The following CC2D2B variants were observed in gnomAD, a reference collection of about 807,000 sequenced individuals.
The protein encoded by CC2D2B is protein CC2D2B.
In CC2D2B, 128 loss-of-function variants were observed where a neutral mutation model predicts 161.2. The observed-to-expected ratio is 0.79, with a 90% confidence interval of 0.69 to 0.92. The LOEUF is 0.92. Ranked by LOEUF, CC2D2B falls within the 40% of genes least tolerant of loss-of-function variation. The pLI, the probability that CC2D2B is intolerant of heterozygous loss-of-function variation, is 0.00. For missense variants in CC2D2B, 1,173 were observed against 1,375.1 expected, an observed-to-expected ratio of 0.85 and a Z score of 2.32; for synonymous variants, 391 against 449.8, an observed-to-expected ratio of 0.87 and a Z score of 1.65.
At chr10:95,965,701 C>T (rs1283962931) in intron 12 of CC2D2B, among the ~76,000 whole-genome samples, 195 bp from the exon 13 acceptor site, 7 of 151,464 alleles carry the variant, frequency 4.6e-5, no homozygotes, top group Admixed American at 4.6e-4. Flanking sequence ...ATCTGAAAGC[C>T]GAGAACAAGC....
At chr10:95,943,889 A>G (rs2076105833) in intron 9 of CC2D2B, among the ~76,000 whole-genome samples, 1 of 152,174 alleles carries the variant, frequency 6.6e-6, no homozygotes, top group Non-Finnish European at 1.5e-5. Context: ...TTGCTTTGTT[A>G]AGCGTATTGA....
chr10:95,987,539 A>C (rs371628570), intron 19 of CC2D2B, among the ~76,000 whole-genome samples: 1 of 152,178 alleles, frequency 6.6e-6, no homozygotes, highest in African/African-American at 2.4e-5. Context: ...AATATCTATA[A>C]TATAAAATCA....
chr10:95,983,925 C>A, intron 19 of CC2D2B, 116 bp downstream of exon 19: 1 of 460,154 alleles, frequency 2.2e-6, no homozygotes, highest in Non-Finnish European at 3.5e-6. Flanking sequence ...AGACAGATTT[C>A]CTCCCTTCTC....
intron 23 of CC2D2B, among the ~76,000 whole-genome samples, 178 bp downstream of exon 23, chr10:95,995,543 G>T (rs985774588): frequency 6.6e-6 from 1 of 152,116 alleles, no homozygotes; most frequent in African/African-American, 2.4e-5. Context: ...TGCTCTCAGG[G>T]TCTATATGAT....
At chr10:96,018,424 C>T (rs1350777406) in intron 30 of CC2D2B, among the ~76,000 whole-genome samples, 1 of 152,172 alleles carries the variant, frequency 6.6e-6, no homozygotes, top group African/African-American at 2.4e-5. Context: ...AGCCTTAAGC[C>T]AGTTTCCATT....
chr10:95,996,347 G>T, intron 24 of CC2D2B, 95 bp downstream of exon 24: 2 of 598,780 alleles, frequency 3.3e-6, no homozygotes, highest in Admixed American at 3.0e-5. Flanking sequence ...ATTGAAATAG[G>T]CTTTATTTAA....
At chr10:95,964,201 G>A (rs2076863127) in intron 12 of CC2D2B, among the ~76,000 whole-genome samples, 1 of 152,146 alleles carries the variant, frequency 6.6e-6, no homozygotes, top group Admixed American at 6.6e-5. Context: ...TCATTTCCCA[G>A]AGTCATTTGG....
At position 95,974,085 on chromosome 10, in the gene CC2D2B, A is replaced by G. The variant is rs1432430291; in HGVS notation, c.1872A>G (p.Leu624=). 2.7e-5 allele frequency: 33 copies of G among 1,230,370 alleles called. No homozygotes were observed. The highest frequency in any genetic ancestry group is 3.2e-5 in the Non-Finnish European group (32 of 986,506). The allele number at this position is 1,230,370 out of a possible 1,614,324, so 76.2% of individuals were successfully genotyped here. A position where few individuals can be genotyped will look rare whatever the true frequency, so the allele number is the denominator to read the frequency against. Reference sequence around the variant, plus strand: ...CATCAGGAAAACTTAGCTATTCTCTATCATGGAGCTTAGATGAAAATGGTC... The same window carrying G: ...CATCAGGAAAACTTAGCTATTCTCTGTCATGGAGCTTAGATGAAAATGGTC... The part of the protein sequence containing the change: ...LLTSGKLSYS[L]SWSLDENGLP... The change falls in exon 17 of 35, where the codon CTA becomes CTG. Residue 624 remains leucine, a synonymous_variant. Transcript: ENST00000646931.
intron 22 of CC2D2B, among the ~76,000 whole-genome samples, chr10:95,993,863 G>GAC (rs2078066067): frequency 9.2e-6 from 1 of 108,760 alleles, no homozygotes; most frequent in African/African-American, 3.7e-5. Flanking sequence ...GAGAGAGAGA[G>GAC]AGAGAGAGTG....
At chr10:95,943,826 A>G (rs546505509) in intron 9 of CC2D2B, among the ~76,000 whole-genome samples, 2 of 152,292 alleles carry the variant, frequency 1.3e-5, no homozygotes, top group Admixed American at 1.3e-4. Context: ...TTATATATGA[A>G]AAATTATAGA....
chr10:96,014,757 T>A (rs192732674), intron 29 of CC2D2B, among the ~76,000 whole-genome samples: 1 of 152,208 alleles, frequency 6.6e-6, no homozygotes, highest in Admixed American at 6.5e-5. Flanking sequence ...CTCTCCCTAC[T>A]CCTCTTATAA....
intron 5 of CC2D2B, among the ~76,000 whole-genome samples, chr10:95,926,832 GTGTGTGTGTGTGTGTC>G (rs1309727081): frequency 1.4e-4 from 19 of 136,736 alleles, no homozygotes; most frequent in Non-Finnish European, 2.6e-4. Flanking sequence ...GTGTGTGTGT[GTGTGTGTGTGTGTGTC>G]TGTGTGTGTG....
At chr10:95,963,760 C>A (rs1348853101) in intron 12 of CC2D2B, among the ~76,000 whole-genome samples, 6 of 152,134 alleles carry the variant, frequency 3.9e-5, no homozygotes, top group Non-Finnish European at 8.8e-5. Flanking sequence ...AAGTTCACTA[C>A]TAAAAATGTT....
Position 96,019,732 on chromosome 10 carries a change from C to T in CC2D2B, c.3796C>T (p.Pro1266Ser), listed in dbSNP as rs1404136373. Reference sequence around the variant, plus strand: ...GTTTAATATTCAACAAAATAATACACCAATGGCTGTATTTTTTGACTATTC... The same window carrying T: ...GTTTAATATTCAACAAAATAATACATCAATGGCTGTATTTTTTGACTATTC... ...VWFNIQQNNT[P>S]MAVFFDYSKE... Residue 1266 changes from proline (P) to serine (S), a missense_variant, in exon 32 of 35, where the codon CCA (proline) becomes TCA (serine). Pro to Ser is a moderately conservative substitution (Grantham distance 74). Around this residue, in one of 3 missense-constraint regions of CC2D2B, gnomAD observed 598 missense variants for 693.2 expected, o/e 0.86. Transcript: ENST00000646931. 10 of 1,599,816 alleles carry T rather than the reference C, an allele frequency of 6.3e-6. No individual in the cohort carries two copies. Among genetic ancestry groups the T allele is most frequent in the Non-Finnish European group, 8.5e-6 (10 of 1,174,100 alleles).
In CC2D2B at chr10:96,032,512, A is replaced by G. The variant is rs980859879; in HGVS notation, c.*504A>G. 1 of 257,434 alleles carries G rather than the reference A, an allele frequency of 3.9e-6. No individual in the cohort carries two copies. The highest frequency in any genetic ancestry group is 2.2e-5 in the African/African-American group (1 of 44,696). 15.9% of individuals were successfully genotyped at this position (257,434 alleles called of 1,614,324 possible). A position where few individuals can be genotyped will look rare whatever the true frequency, so the allele number is the denominator to read the frequency against. ...GATGCACTGTTATGAGGGAGAGCCC[A>G]GCCTTATAGAATGTTGTCACTACTA... is the stretch of plus-strand genomic sequence containing the variant. On this transcript the variant is annotated 3_prime_UTR_variant, in exon 35 of 35. Transcript: ENST00000646931.
chr10:96,004,197 A>G lies in CC2D2B; in HGVS notation c.2895A>G (p.Lys965=). The change falls in exon 25 of 35, where the codon AAA becomes AAG. Residue 965 remains lysine (K), a synonymous_variant. Transcript: ENST00000646931. ...GCTTCTCAAGCTTATCTAAAATAAA[A>G]GATAACATATATATCAACATTTTTG... ...DYSFSSLSKI[K]DNIYINIFDE... 6.4e-7 allele frequency: 1 copy of G among 1,557,772 alleles called. No homozygotes were observed.
chr10:95,934,963 T>C (rs193193602), intron 6 of CC2D2B, among the ~76,000 whole-genome samples: 299 of 152,266 alleles, frequency 2.0e-3, no homozygotes, highest in African/African-American at 6.9e-3. Context: ...CTCTGTCTCC[T>C]GGCTTCAAGC....
chr10:96,028,744 A>G (rs1023073364), intron 34 of CC2D2B, among the ~76,000 whole-genome samples: 37 of 152,348 alleles, frequency 2.4e-4, no homozygotes, highest in Middle Eastern at 3.4e-3. Flanking sequence ...TCAATAGATG[A>G]ACGGATAAGG....
intron 2 of CC2D2B, chr10:95,921,693 T>C (rs1407863898): frequency 1.2e-5 from 2 of 160,240 alleles, no homozygotes; most frequent in Non-Finnish European, 2.7e-5. Flanking sequence ...AACTGGCATT[T>C]TAAAGGAGAT....
Sources: gnomAD v4.1 joint callset for allele counts (sites outside exome capture counted in the v4.1 genomes callset) on GRCh38, gnomAD v4.1.1 for gene constraint, gnomAD v4.1.1 regional missense constraint, MANE v1.5 for transcripts, NCBI Gene and HGNC (gene_info 2026-07-23, HGNC 2026-07-21) for gene names.